ANXA4: variants seen among roughly 807,000 people sequenced by gnomAD.
ANXA4 encodes the protein annexin A4.
ANXA4 carries 39 observed loss-of-function variants against 49.8 expected under a neutral mutation model. The observed-to-expected ratio is 0.78, with a 90% CI of 0.61 to 1.02. The LOEUF (loss-of-function observed/expected upper bound fraction) is 1.02, where lower values mean the gene tolerates loss of function less well. Ranked by LOEUF, ANXA4 falls within the 50% of genes least tolerant of loss-of-function variation. The probability of loss-of-function intolerance (pLI) is 0.00; values close to 1 mark genes in which losing one functional copy is unlikely to be tolerated. For missense variants in ANXA4, 360 were observed against 410.1 expected (o/e 0.88, Z 1.05); for synonymous variants, 134 against 152.5 (o/e 0.88, Z 0.89).
intron 12 of ANXA4, among the ~76,000 whole-genome samples, chr2:69,823,409 G>A (rs1248073621): frequency 6.6e-6 from 1 of 151,420 alleles, no homozygotes; most frequent in Non-Finnish European, 1.5e-5. Flanking sequence ...AAAAATAAAA[G>A]TTATAAAAAT....
intron 2 of ANXA4, among the ~76,000 whole-genome samples, chr2:69,687,331 C>A (rs1019392086): frequency 7.9e-5 from 12 of 151,952 alleles, no homozygotes; most frequent in Non-Finnish European, 7.4e-5. Flanking sequence ...TGGTGAGACC[C>A]GTCTCTACTA....
intron 3 of ANXA4, among the ~76,000 whole-genome samples, chr2:69,792,685 C>T (rs911151475): frequency 6.6e-6 from 1 of 151,964 alleles, no homozygotes; most frequent in Admixed American, 6.6e-5. Context: ...CATTTCCATG[C>T]CCTCTTATAA....
rs542391914 is a variant in ANXA4 at position 69,728,884 on chromosome 2, A to G, written n.864+8013A>G. On this transcript the variant is annotated intron_variant and non_coding_transcript_variant, in intron 3 of 3. Transcript: ENST00000418066. ...CTTTAGGATAGGTTTGTCAGTTTCT[A>G]TATACATACCTCAAACTCTTGATGA... 4.6e-5 allele frequency among the ~76,000 whole-genome samples: 7 copies of G among 152,322 alleles called. No homozygotes were observed. In the East Asian group the frequency reaches 1.2e-3, roughly 25 times the overall value.
chr2:69,809,071 AAC>A (rs1298436108), intron 6 of ANXA4: 2 of 152,372 alleles, frequency 1.3e-5, no homozygotes, highest in South Asian at 2.1e-4. Context: ...CACAGTTAAT[AAC>A]ACAGTATTTT....
At chr2:69,697,738 T>C (rs1418637320) in intron 2 of ANXA4, among the ~76,000 whole-genome samples, 1 of 152,162 alleles carries the variant, frequency 6.6e-6, no homozygotes. Context: ...GTCTGAGCAG[T>C]GGAGCAGTCA....
chr2:69,788,608 C>A (rs1337541798), intron 3 of ANXA4, among the ~76,000 whole-genome samples: 1 of 151,822 alleles, frequency 6.6e-6, no homozygotes, highest in Non-Finnish European at 1.5e-5. Flanking sequence ...GAGGCTGAGG[C>A]GGGTGGATCA....
chr2:69,756,588 T>C (rs1671046672), intron 1 of ANXA4, among the ~76,000 whole-genome samples: 1 of 152,196 alleles, frequency 6.6e-6, no homozygotes, highest in African/African-American at 2.4e-5. Context: ...TTTTCCAATA[T>C]ACACCCAAGT....
chr2:69,692,826 A>G (rs542296795), intron 2 of ANXA4, among the ~76,000 whole-genome samples: 7 of 152,326 alleles, frequency 4.6e-5, no homozygotes, highest in Admixed American at 6.5e-5. Flanking sequence ...CTTAATTTCC[A>G]TTTGTCCAGA....
At chr2:69,799,323 G>A (rs928930784) in intron 3 of ANXA4, among the ~76,000 whole-genome samples, 1 of 152,154 alleles carries the variant, frequency 6.6e-6, no homozygotes, top group African/African-American at 2.4e-5. Flanking sequence ...AAAGGAATGT[G>A]CTTATTAAGA....
intron 2 of ANXA4, among the ~76,000 whole-genome samples, chr2:69,656,411 GTATA>G (rs573668663): frequency 7.9e-6 from 1 of 126,782 alleles, no homozygotes; most frequent in Admixed American, 9.4e-5. Flanking sequence ...GTATATATAT[GTATA>G]TATATATGTG....
intron 2 of ANXA4, among the ~76,000 whole-genome samples, chr2:69,674,887 T>C (rs1438317320): frequency 1.3e-5 from 2 of 152,060 alleles, no homozygotes; most frequent in Non-Finnish European, 2.9e-5. Context: ...TAAAATCTCA[T>C]TTCAAAAATT....
At chr2:69,749,288 T>C (rs906801939) in intron 1 of ANXA4, among the ~76,000 whole-genome samples, 2 of 152,132 alleles carry the variant, frequency 1.3e-5, no homozygotes, top group Non-Finnish European at 2.9e-5. Flanking sequence ...GTCCAGACTT[T>C]AGTCAGATAA....
At chr2:69,743,555 G>A (rs1429365096) in intron 1 of ANXA4, among the ~76,000 whole-genome samples, 1 of 152,108 alleles carries the variant, frequency 6.6e-6, no homozygotes. Context: ...GGAATTCTCA[G>A]ACACAGGTGG....
intron 2 of ANXA4, among the ~76,000 whole-genome samples, chr2:69,705,087 A>T (rs769102946): frequency 1.1e-4 from 17 of 151,966 alleles, no homozygotes; most frequent in Non-Finnish European, 2.4e-4. Context: ...GGAATTTGAG[A>T]CCAGCCTGGG....
At chr2:69,724,527 GA>G (rs1559113428) in intron 3 of ANXA4, among the ~76,000 whole-genome samples, 1 of 152,190 alleles carries the variant, frequency 6.6e-6, no homozygotes, top group African/African-American at 2.4e-5. Context: ...GGCTAGGGGA[GA>G]TTTAGTGTCT....
intron 8 of ANXA4, 194 bp from the exon 9 acceptor site, chr2:69,815,907 G>C (rs1395219349): frequency 1.8e-6 from 1 of 565,426 alleles, no homozygotes; most frequent in Non-Finnish European, 3.2e-6. Flanking sequence ...CTCCCAGGGG[G>C]GTATGACAGG....
At chr2:69,666,900 G>A (rs1216373848) in intron 2 of ANXA4, among the ~76,000 whole-genome samples, 1 of 152,060 alleles carries the variant, frequency 6.6e-6, no homozygotes, top group African/African-American at 2.4e-5. Flanking sequence ...ACAAAAATTA[G>A]CTAAGCGTGT....
Position 69,794,505 on chromosome 2 carries a change from A to ATGT in ANXA4, c.97+6365_97+6366insGTT, listed in dbSNP as rs879500935. ...AGACTGAGGGCTGGTATGTTATGTT[A>ATGT]TATTATGTTATGTTATATTATGTTA... On this transcript the variant is annotated intron_variant, in intron 3 of 12. Coordinates refer to ENST00000394295, the MANE Select transcript of ANXA4 (RefSeq NM_001153.5). Among the ~76,000 whole-genome samples, 239 of 84,622 alleles carry ATGT rather than the reference A, an allele frequency of 2.8e-3. 3 individuals are homozygous for ATGT. Among genetic ancestry groups the ATGT allele is most frequent in the East Asian group, 7.2e-3 (19 of 2,634 alleles). The allele number at this position is 84,622 out of a possible 152,430, so 55.5% of individuals were successfully genotyped here.
intron 1 of ANXA4, among the ~76,000 whole-genome samples, chr2:69,650,775 G>A (rs1335913018): frequency 6.6e-6 from 1 of 152,184 alleles, no homozygotes; most frequent in East Asian, 1.9e-4. Flanking sequence ...CTTAAAAGAA[G>A]GCATTAAATC....
Sources: gnomAD v4.1 joint callset for allele counts (sites outside exome capture counted in the v4.1 genomes callset) on GRCh38, gnomAD v4.1.1 for gene constraint, MANE v1.5 for transcripts, NCBI Gene and HGNC (gene_info 2026-07-23, HGNC 2026-07-21) for gene names.